Variants in NLRP2 observed in about 807,000 individuals in gnomAD.
NLRP2 encodes the protein NLR family pyrin domain containing 2, also known as NACHT, LRR and PYD domains-containing protein 2.
NLRP2 carries 107 observed loss-of-function variants against 97.2 expected under a neutral mutation model. That is an observed-to-expected ratio of 1.10 (90% CI 0.94 to 1.29). The LOEUF is 1.29. NLRP2 is among the 50% of genes most tolerant of loss of function. NLRP2 has a pLI of 0.00. For synonymous variants in NLRP2, 663 were observed against 551.5 expected (o/e 1.20, Z -2.83); for missense variants, 1,495 against 1,330.3 (o/e 1.12, Z -1.93).
intron 3 of NLRP2, among the ~76,000 whole-genome samples, chr19:54,974,754 A>T (rs576415819): frequency 6.6e-6 from 1 of 152,264 alleles, no homozygotes; most frequent in South Asian, 2.1e-4. Context: ...CTATAAATAC[A>T]TACAAAGCGG....
At chr19:54,988,545 C>G (rs1313195098) in intron 8 of NLRP2, among the ~76,000 whole-genome samples, 1 of 152,108 alleles carries the variant, frequency 6.6e-6, no homozygotes, top group African/African-American at 2.4e-5. Flanking sequence ...GGGCAATCCA[C>G]CACACCCAGC....
intron 8 of NLRP2, 182 bp downstream of exon 8, chr19:54,986,497 C>T: frequency 1.5e-6 from 1 of 656,526 alleles, no homozygotes; most frequent in South Asian, 1.7e-5. Context: ...ACAGTAAACA[C>T]CCTGGACAAC....
intron 4 of NLRP2, among the ~76,000 whole-genome samples, chr19:54,981,133 T>C (rs181401276): frequency 0.01 from 1,559 of 152,238 alleles, 12 homozygotes; most frequent in Non-Finnish European, 0.016. Context: ...CTGACCTGTT[T>C]CCTCTTGTTT....
chr19:54,973,005 G>A (rs2070963834), intron 2 of NLRP2, among the ~76,000 whole-genome samples: 1 of 151,864 alleles, frequency 6.6e-6, no homozygotes, highest in African/African-American at 2.4e-5. Context: ...TCAGGCCAAT[G>A]TGGTGAAACC....
chr19:54,996,192 G>A (rs1440437962), intron 11 of NLRP2, among the ~76,000 whole-genome samples: 1 of 152,102 alleles, frequency 6.6e-6, no homozygotes, highest in African/African-American at 2.4e-5. Context: ...GGGCAACCGA[G>A]TGAGACCGTG....
At chr19:54,985,272 T>C (rs2071981005) in intron 7 of NLRP2, 55 bp downstream of exon 7, 1 of 1,528,076 alleles carries the variant, frequency 6.5e-7, no homozygotes, top group African/African-American at 1.4e-5. Flanking sequence ...AATGGTACAA[T>C]GTTAACATCG....
chr19:54,970,714 G>A (rs188318431), intron 2 of NLRP2, among the ~76,000 whole-genome samples: 10 of 148,766 alleles, frequency 6.7e-5, no homozygotes, highest in African/African-American at 2.5e-4. Context: ...CTGAATGCAG[G>A]TGCTGGATCT....
intron 3 of NLRP2, among the ~76,000 whole-genome samples, chr19:54,975,932 G>T (rs2071203209): frequency 6.6e-6 from 1 of 151,692 alleles, no homozygotes. Flanking sequence ...TGTATTTTTG[G>T]TAGGGACAGT....
At chr19:54,986,128 C>G (rs372411439) in intron 7 of NLRP2, 23 bp from the exon 8 acceptor site, 2 of 1,576,182 alleles carry the variant, frequency 1.3e-6, no homozygotes, top group African/African-American at 2.7e-5. Flanking sequence ...CTAAAGATTT[C>G]ACTTTCGTTC....
intron 3 of NLRP2, among the ~76,000 whole-genome samples, chr19:54,976,029 A>G (rs553380209): frequency 1.3e-5 from 2 of 150,990 alleles, no homozygotes; most frequent in East Asian, 2.0e-4. Flanking sequence ...GATTACAGAC[A>G]TGATTCACCA....
rs2072060072 is a variant in NLRP2 at position 54,986,136 on chromosome 19, TTC to T, written c.2202-11_2202-10del. 1 of 1,601,640 alleles carries T rather than the reference TTC, an allele frequency of 6.2e-7. No homozygotes were observed. The highest frequency in any genetic ancestry group is 1.3e-5 in the African/African-American group (1 of 74,724). On this transcript the variant is annotated splice_polypyrimidine_tract_variant and intron_variant, in intron 7 of 12. Transcript: ENST00000448584. ...GTACACACTAAAGATTTCACTTTCGTTCTCTTTTCCCTAGGTTCAAAAACATT... is the reference window on the plus strand; with the variant it reads ...GTACACACTAAAGATTTCACTTTCGTTCTTTTCCCTAGGTTCAAAAACATT...
intron 12 of NLRP2, among the ~76,000 whole-genome samples, chr19:54,999,747 TA>T (rs1379642874): frequency 5.9e-5 from 9 of 152,140 alleles, no homozygotes; most frequent in African/African-American, 2.2e-4. Flanking sequence ...TTACTTCATT[TA>T]TTTTTTAGAC....
intron 4 of NLRP2, among the ~76,000 whole-genome samples, chr19:54,979,102 A>G (rs1398094926): frequency 6.6e-6 from 1 of 151,712 alleles, no homozygotes; most frequent in Non-Finnish European, 1.5e-5. Context: ...TTCCTGCCAC[A>G]GCCTCCCCAG....
chr19:54,975,106 G>GTTTTTTTGTTTTTTTTTTT (rs2071121525), intron 3 of NLRP2, among the ~76,000 whole-genome samples: 1 of 58,674 alleles, frequency 1.7e-5, no homozygotes, highest in Non-Finnish European at 3.5e-5. Flanking sequence ...ACCCGGTTTT[G>GTTTTTTTGTTTTTTTTTTT]TTTTTTTTTT....
In NLRP2 at chr19:54,983,698, C is replaced by G. The variant is rs761789961; in HGVS notation, c.2000C>G (p.Thr667Ser). ...VIKENLPENV[T>S]ASESDAEVER... ...AAGGAGAATCTCCCGGAGAATGTCA[C>G]TGCGTCTGAATCAGACGCCGAGGTT... Residue 667 changes from threonine to serine, a missense_variant, in exon 6 of 13, where the codon ACT becomes AGT. Transcript: ENST00000448584. 23 of 1,612,854 alleles carry G rather than the reference C, an allele frequency of 1.4e-5. No individual in the cohort carries two copies. Among genetic ancestry groups the G allele is most frequent in the Non-Finnish European group, 1.9e-5 (23 of 1,179,986 alleles).
chr19:54,987,952 G>C (rs965359052), intron 8 of NLRP2, among the ~76,000 whole-genome samples: 1 of 152,130 alleles, frequency 6.6e-6, no homozygotes, highest in African/African-American at 2.4e-5. Context: ...GCTGATGCAA[G>C]AGAATTGCTT....
chr19:54,973,344 G>GTTTTTTT (rs10673643), intron 2 of NLRP2, among the ~76,000 whole-genome samples: 28 of 92,488 alleles, frequency 3.0e-4, no homozygotes, highest in Admixed American at 6.9e-4. Flanking sequence ...ATGGGTGAGG[G>GTTTTTTT]TTTTTTTTTT....
chr19:54,988,722 G>C (rs1017238602), intron 8 of NLRP2, among the ~76,000 whole-genome samples: 4 of 152,146 alleles, frequency 2.6e-5, no homozygotes, highest in Non-Finnish European at 4.4e-5. Flanking sequence ...GTTTCATCAT[G>C]TTGTTCCGGC....
chr19:54,982,963 G>T lies in NLRP2; in HGVS notation c.1265G>T (p.Cys422Phe). 1 of 1,611,950 alleles carries T rather than the reference G, an allele frequency of 6.2e-7. No homozygotes were observed. The highest frequency in any genetic ancestry group is 8.5e-7 in the Non-Finnish European group (1 of 1,179,850). ...MEKGEDPVPT[C>F]LTRTGLFLRF... is the part of the protein sequence containing the mutation. ...AAGGGGGAGGACCCGGTCCCCACCT[G>T]CCTCACCCGCACGGGGCTGTTCCTG... Residue 422 changes from cysteine (C) to phenylalanine (F), a missense_variant, in exon 6 of 13, where the codon TGC (cysteine) becomes TTC (phenylalanine). Cys to Phe is a radical substitution (Grantham distance 205). Coordinates refer to ENST00000448584, the MANE Select transcript of NLRP2 (RefSeq NM_017852.5).
Sources: gnomAD v4.1 joint callset for allele counts (sites outside exome capture counted in the v4.1 genomes callset) on GRCh38, gnomAD v4.1.1 for gene constraint, MANE v1.5 for transcripts, NCBI Gene and HGNC (gene_info 2026-07-23, HGNC 2026-07-21) for gene names.